The following EHBP1 variants were observed in gnomAD, a reference collection of about 807,000 sequenced individuals.
EHBP1 encodes the protein EH domain binding protein 1.
Under a neutral mutation model 144.0 loss-of-function variants are expected in EHBP1, and 55 were observed. The ratio of observed to expected loss-of-function variants is 0.38; its 90% CI spans 0.31 to 0.48. EHBP1 has a LOEUF of 0.48. Among genes scored for constraint, EHBP1 ranks in the 20% least tolerant of loss-of-function variants. The probability of loss-of-function intolerance (pLI) is 0.98; values close to 1 mark genes in which losing one functional copy is unlikely to be tolerated. For missense variants in EHBP1, 1,200 were observed against 1,364.2 expected (o/e 0.88, Z 1.90); for synonymous variants, 469 against 472.7 (o/e 0.99, Z 0.10).
intron 7 of EHBP1, among the ~76,000 whole-genome samples, chr2:62,843,461 G>C (rs940547777): frequency 6.6e-6 from 1 of 152,084 alleles, no homozygotes; most frequent in Non-Finnish European, 1.5e-5. Context: ...AGAAGGGGTG[G>C]GTGGGGCAGT....
chr2:62,993,548 C>A lies in EHBP1; in HGVS notation c.2752C>A (p.Arg918=). The change falls in exon 17 of 23, where the codon CGG becomes AGG. Residue 918 remains arginine (R), a synonymous_variant. Transcript: ENST00000431489. ...QDMKSGTEDL[R]TERLQKTTER... is the part of the protein sequence containing the mutation. ...CGTTTAGAGTGGCACAGAAGATCTC[C>A]GGACTGAACGATTACAAAAAACAAC... The A allele has an allele frequency of 6.3e-7, 1 of 1,591,392 alleles. No homozygotes were observed. Among genetic ancestry groups the A allele is most frequent in the South Asian group, 1.1e-5 (1 of 87,426 alleles).
chr2:62,926,484 A>G (rs1311088938), intron 10 of EHBP1, among the ~76,000 whole-genome samples: 1 of 152,180 alleles, frequency 6.6e-6, no homozygotes, highest in Non-Finnish European at 1.5e-5. Flanking sequence ...ACATCCCAAT[A>G]GCCAAAAAAC....
At chr2:63,023,943 A>G (rs1271350523) in intron 19 of EHBP1, among the ~76,000 whole-genome samples, 1 of 152,194 alleles carries the variant, frequency 6.6e-6, no homozygotes, top group Non-Finnish European at 1.5e-5. Flanking sequence ...TAGAGAATTG[A>G]ATTTTTAAAA....
At chr2:62,865,625 AG>A (rs1324496482) in intron 9 of EHBP1, among the ~76,000 whole-genome samples, 1 of 152,232 alleles carries the variant, frequency 6.6e-6, no homozygotes, top group Non-Finnish European at 1.5e-5. Context: ...GGGATAACAC[AG>A]ACTGGATTTA....
At chr2:62,734,864 G>A (rs766572220) in intron 2 of EHBP1, among the ~76,000 whole-genome samples, 8 of 152,146 alleles carry the variant, frequency 5.3e-5, no homozygotes, top group Admixed American at 2.0e-4. Context: ...AAAGTGCTGC[G>A]CTTACAGGCG....
At chr2:62,804,018 T>C (rs2044250964) in intron 5 of EHBP1, among the ~76,000 whole-genome samples, 2 of 151,596 alleles carry the variant, frequency 1.3e-5, no homozygotes, top group African/African-American at 4.9e-5. Context: ...GTAAAAGACT[T>C]AGACTACTGC....
chr2:62,782,990 C>A (rs2042548320), intron 5 of EHBP1, among the ~76,000 whole-genome samples: 1 of 152,156 alleles, frequency 6.6e-6, no homozygotes, highest in East Asian at 1.9e-4. Flanking sequence ...AGTTACTTCT[C>A]AGATACAATG....
intron 19 of EHBP1, 114 bp downstream of exon 19, chr2:62,996,880 G>T: frequency 2.8e-6 from 4 of 1,453,664 alleles, no homozygotes; most frequent in Non-Finnish European, 3.7e-6. Flanking sequence ...AAACTGCCTT[G>T]AAAATAAAAA....
At chr2:62,902,404 C>T (rs1488995334) in intron 10 of EHBP1, among the ~76,000 whole-genome samples, 1 of 151,874 alleles carries the variant, frequency 6.6e-6, no homozygotes, top group Non-Finnish European at 1.5e-5. Flanking sequence ...AAAAATAGTC[C>T]AGAATACCTC....
At chr2:62,744,869 C>T (rs1040177312) in intron 2 of EHBP1, among the ~76,000 whole-genome samples, 2 of 152,050 alleles carry the variant, frequency 1.3e-5, no homozygotes, top group South Asian at 2.1e-4. Flanking sequence ...CCTCACTAGA[C>T]TTTCAAGTCA....
chr2:62,738,510 C>T (rs1460111622), intron 2 of EHBP1, among the ~76,000 whole-genome samples: 1 of 152,160 alleles, frequency 6.6e-6, no homozygotes, highest in East Asian at 1.9e-4. Flanking sequence ...ATTGGTAATT[C>T]ATCAGTTCCT....
At chr2:62,846,349 A>G (rs2152741255) in intron 7 of EHBP1, among the ~76,000 whole-genome samples, 1 of 152,316 alleles carries the variant, frequency 6.6e-6, no homozygotes, top group East Asian at 1.9e-4. Flanking sequence ...TTCACTAAGG[A>G]TTTATCCTAG....
At chr2:62,694,248 A>G (rs2151750728) in intron 1 of EHBP1, among the ~76,000 whole-genome samples, 1 of 152,360 alleles carries the variant, frequency 6.6e-6, no homozygotes, top group East Asian at 1.9e-4. Context: ...TATCAACAAT[A>G]TACTCTAGAA....
chr2:62,955,834 C>G, intron 14 of EHBP1, 174 bp downstream of exon 14: 1 of 578,002 alleles, frequency 1.7e-6, no homozygotes, highest in Non-Finnish European at 2.8e-6. Flanking sequence ...ACCATTTGAT[C>G]ATTATTCCTA....
chr2:62,713,588 G>C (rs1392264162), intron 2 of EHBP1, among the ~76,000 whole-genome samples: 6 of 152,130 alleles, frequency 3.9e-5, no homozygotes, highest in Admixed American at 3.9e-4. Flanking sequence ...TGGGGCAGAA[G>C]GTTAGATGAC....
At chr2:63,010,955 G>A (rs2153233764) in intron 19 of EHBP1, among the ~76,000 whole-genome samples, 1 of 151,534 alleles carries the variant, frequency 6.6e-6, no homozygotes, top group Admixed American at 6.6e-5. Context: ...TATTTACATA[G>A]GAATAAATCT....
chr2:62,923,854 C>A (rs1298833853), intron 10 of EHBP1, among the ~76,000 whole-genome samples: 3 of 152,196 alleles, frequency 2.0e-5, no homozygotes, highest in Non-Finnish European at 4.4e-5. Flanking sequence ...CCACACCTGG[C>A]AAACACACCC....
At chr2:62,865,755 A>G (rs2049987088) in intron 9 of EHBP1, among the ~76,000 whole-genome samples, 1 of 152,218 alleles carries the variant, frequency 6.6e-6, no homozygotes, top group African/African-American at 2.4e-5. Context: ...GACGAGCCCT[A>G]CAATTATGTA....
intron 19 of EHBP1, among the ~76,000 whole-genome samples, chr2:63,026,050 G>A (rs975319485): frequency 6.6e-6 from 1 of 152,164 alleles, no homozygotes; most frequent in African/African-American, 2.4e-5. Flanking sequence ...CATTTTGGTT[G>A]ATTGGTGCAG....
Sources: gnomAD v4.1 joint callset for allele counts (sites outside exome capture counted in the v4.1 genomes callset) on GRCh38, gnomAD v4.1.1 for gene constraint, MANE v1.5 for transcripts, NCBI Gene and HGNC (gene_info 2026-07-23, HGNC 2026-07-21) for gene names.